The following ZFAT variants were observed in gnomAD, a reference collection of about 807,000 sequenced individuals.
ZFAT encodes the protein zinc finger and AT-hook domain containing, also known as zinc finger protein ZFAT.
In ZFAT, 64 loss-of-function variants were observed where a neutral mutation model predicts 117.7. The ratio of observed to expected loss-of-function variants is 0.54; its 90% CI spans 0.44 to 0.67. The LOEUF is 0.67. Among genes scored for constraint, ZFAT ranks in the 30% least tolerant of loss-of-function variants. The pLI, the probability that ZFAT is intolerant of heterozygous loss-of-function variation, is 0.00. For synonymous variants in ZFAT, 679 were observed against 615.0 expected, an observed-to-expected ratio of 1.10 and a Z score of -1.54; for missense variants, 1,433 against 1,584.5, an observed-to-expected ratio of 0.90 and a Z score of 1.62.
chr8:134,558,274 C>T (rs1203967067), intron 11 of ZFAT, among the ~76,000 whole-genome samples: 1 of 152,186 alleles, frequency 6.6e-6, no homozygotes, highest in Non-Finnish European at 1.5e-5. Context: ...ACTTCCTCCC[C>T]AGGAATGGCT....
Position 134,600,465 on chromosome 8 carries a change from G to A in ZFAT, c.2446C>T (p.Gln816Ter). The A allele has an allele frequency of 2.5e-6, 4 of 1,614,216 alleles. No homozygotes were observed. The highest frequency in any genetic ancestry group is 3.4e-6 in the Non-Finnish European group (4 of 1,180,038). Residue 816 changes from glutamine to a stop codon, truncating the protein, a stop_gained, in exon 7 of 16, where the codon CAG becomes TAG. Coordinates refer to ENST00000377838, the MANE Select transcript of ZFAT (RefSeq NM_020863.4). LOFTEE classifies it high-confidence loss of function. Reference sequence around the variant, plus strand: ...GCTGTGTGAACTTTAAGATGTGCCTGTAGCTTATATTTATCTGGAGTTGAG... The same window carrying A: ...GCTGTGTGAACTTTAAGATGTGCCTATAGCTTATATTTATCTGGAGTTGAG... ...DYSTPDKYKL[Q>*]AHLKVHTALD...
chr8:134,695,395 C>T (rs1003389144), intron 1 of ZFAT, among the ~76,000 whole-genome samples: 5 of 148,710 alleles, frequency 3.4e-5, no homozygotes, highest in African/African-American at 7.8e-5. Context: ...ACTAAGGATG[C>T]GCCGCCCCCA....
At chr8:134,493,858 A>C (rs1818233986) in intron 15 of ZFAT, among the ~76,000 whole-genome samples, 1 of 152,138 alleles carries the variant, frequency 6.6e-6, no homozygotes, top group South Asian at 2.1e-4. Context: ...GTAGGCACTC[A>C]ATAAACACTG....
At chr8:134,615,674 C>T (rs916723905) in intron 3 of ZFAT, among the ~76,000 whole-genome samples, 6 of 152,224 alleles carry the variant, frequency 3.9e-5, no homozygotes, top group African/African-American at 1.4e-4. Flanking sequence ...TAAGACTCTG[C>T]CCACTCAAGA....
chr8:134,659,763 G>A (rs1228667696), intron 1 of ZFAT, among the ~76,000 whole-genome samples: 2 of 152,218 alleles, frequency 1.3e-5, no homozygotes, highest in African/African-American at 4.8e-5. Flanking sequence ...CTACCAGAAA[G>A]AGGAAATGAG....
At chr8:134,683,118 T>C (rs1466568644) in intron 1 of ZFAT, among the ~76,000 whole-genome samples, 1 of 152,160 alleles carries the variant, frequency 6.6e-6, no homozygotes, top group Non-Finnish European at 1.5e-5. Flanking sequence ...ATAATAAACA[T>C]ACAAATTCAC....
At chr8:134,487,421 C>T (rs1205666607) in intron 15 of ZFAT, among the ~76,000 whole-genome samples, 1 of 152,202 alleles carries the variant, frequency 6.6e-6, no homozygotes, top group African/African-American at 2.4e-5. Context: ...ATTCCCATCG[C>T]ATCCCTTTGA....
At chr8:134,818,682 T>C in the ZFAT span, among the ~76,000 whole-genome samples, 6 of 152,198 alleles carry the variant, frequency 3.9e-5, no homozygotes, top group African/African-American at 7.2e-5. Flanking sequence ...AGTCAAACAC[T>C]GGAATCAACC....
chr8:134,614,358 T>C (rs1411180195), intron 3 of ZFAT, among the ~76,000 whole-genome samples: 1 of 152,138 alleles, frequency 6.6e-6, no homozygotes, highest in African/African-American at 2.4e-5. Context: ...CACACAGACA[T>C]GCATTGCACA....
chr8:134,499,563 G>C (rs1213457245), intron 15 of ZFAT, among the ~76,000 whole-genome samples: 5 of 148,146 alleles, frequency 3.4e-5, no homozygotes, highest in Non-Finnish European at 7.5e-5. Flanking sequence ...GTAGGGTCGG[G>C]GTGGAGCTGG....
At chr8:134,481,865 T>A (rs1817332769) in intron 15 of ZFAT, among the ~76,000 whole-genome samples, 1 of 152,046 alleles carries the variant, frequency 6.6e-6, no homozygotes, top group Non-Finnish European at 1.5e-5. Flanking sequence ...GGGTCTGTGG[T>A]GGGAAAGGAC....
At chr8:134,665,826 C>T (rs1007620268) in intron 1 of ZFAT, among the ~76,000 whole-genome samples, 1 of 152,156 alleles carries the variant, frequency 6.6e-6, no homozygotes, top group Non-Finnish European at 1.5e-5. Flanking sequence ...CTGGGGTCTC[C>T]AGAGCCCTGT....
the ZFAT span, among the ~76,000 whole-genome samples, chr8:134,805,499 C>A: frequency 2.0e-5 from 3 of 152,020 alleles, no homozygotes; most frequent in African/African-American, 7.3e-5. Context: ...ATGTACAGTT[C>A]AAGGAAATGA....
At chr8:134,600,338 G>T in intron 7 of ZFAT, 98 bp downstream of exon 7, 3 of 1,099,592 alleles carry the variant, frequency 2.7e-6, no homozygotes, top group Non-Finnish European at 4.2e-6. Flanking sequence ...ATGTTTTCAG[G>T]GCTGACCTGC....
chr8:134,692,117 G>A (rs1563767770), intron 1 of ZFAT, among the ~76,000 whole-genome samples: 1 of 152,128 alleles, frequency 6.6e-6, no homozygotes, highest in South Asian at 2.1e-4. Context: ...GATTACAGAC[G>A]TAAGCCACCG....
the ZFAT span, among the ~76,000 whole-genome samples, chr8:134,727,145 A>G: frequency 6.6e-6 from 1 of 152,118 alleles, no homozygotes; most frequent in African/African-American, 2.4e-5. Context: ...AAAAAAAAAA[A>G]CAAAACAAGG....
chr8:134,555,778 A>G (rs553993022), intron 11 of ZFAT, among the ~76,000 whole-genome samples: 1 of 151,840 alleles, frequency 6.6e-6, no homozygotes, highest in African/African-American at 2.4e-5. Context: ...AAACAAAAAC[A>G]CTGAAGTAAC....
At chr8:134,821,739 C>T in the ZFAT span, among the ~76,000 whole-genome samples, 1 of 151,996 alleles carries the variant, frequency 6.6e-6, no homozygotes, top group Non-Finnish European at 1.5e-5. Context: ...CTATGAGAAA[C>T]CTAAAACAAG....
chr8:134,516,396 T>C (rs192896546), intron 13 of ZFAT, among the ~76,000 whole-genome samples: 35 of 152,364 alleles, frequency 2.3e-4, no homozygotes, highest in South Asian at 1.0e-3. Context: ...GCTAAACCCA[T>C]GACATCATTA....
Sources: allele counts gnomAD v4.1 joint callset (sites outside exome capture counted in the v4.1 genomes callset), GRCh38; gene constraint gnomAD v4.1.1; transcripts MANE v1.5; gene names NCBI Gene and HGNC (gene_info 2026-07-23, HGNC 2026-07-21).